Variants in AGMO observed in about 807,000 individuals in gnomAD.
AGMO encodes the protein glyceryl-ether monooxygenase.
A neutral mutation model predicts 60.2 loss-of-function variants in AGMO; 75 were observed. The observed-to-expected ratio is 1.25, with a 90% confidence interval of 1.03 to 1.51. The LOEUF (loss-of-function observed/expected upper bound fraction) is 1.51. Ranked by LOEUF, AGMO falls within the 40% of genes most tolerant of loss-of-function variation. AGMO has a pLI of 0.00. For missense variants in AGMO, 763 were observed against 525.5 expected (o/e 1.45, Z -4.42); for synonymous variants, 261 against 177.1 (o/e 1.47, Z -3.76).
chr7:15,515,022 C>T (rs560946194), intron 3 of AGMO, among the ~76,000 whole-genome samples: 1 of 152,312 alleles, frequency 6.6e-6, no homozygotes, highest in South Asian at 2.1e-4. Flanking sequence ...TCTGCATTTT[C>T]TCTACTCACC....
intron 12 of AGMO, among the ~76,000 whole-genome samples, chr7:15,265,429 AAT>A (rs1783402799): frequency 6.6e-6 from 1 of 151,960 alleles, no homozygotes; most frequent in South Asian, 2.1e-4. Flanking sequence ...TGTACCATTT[AAT>A]CTAGAATACA....
chr7:15,130,602 T>C, the AGMO span, among the ~76,000 whole-genome samples: 2 of 152,092 alleles, frequency 1.3e-5, no homozygotes, highest in Non-Finnish European at 2.9e-5. Flanking sequence ...AAAGGAACGA[T>C]TGAAAATAGG....
chr7:15,557,534 G>C (rs546979946), intron 2 of AGMO, among the ~76,000 whole-genome samples: 30 of 151,778 alleles, frequency 2.0e-4, no homozygotes, highest in African/African-American at 6.8e-4. Context: ...TTTCTGAAAG[G>C]GGATTGAGAG....
intron 3 of AGMO, among the ~76,000 whole-genome samples, chr7:15,544,516 G>A (rs1320626938): frequency 5.3e-5 from 8 of 151,972 alleles, no homozygotes; most frequent in Non-Finnish European, 8.8e-5. Flanking sequence ...CAATGCTATA[G>A]CCACCACTTT....
At chr7:15,514,516 G>C (rs1783758618) in intron 3 of AGMO, among the ~76,000 whole-genome samples, 1 of 151,952 alleles carries the variant, frequency 6.6e-6, no homozygotes, top group East Asian at 1.9e-4. Flanking sequence ...GAGAAATTAA[G>C]GAATTTGTAC....
rs1422665075 is a variant in AGMO at position 15,549,863 on chromosome 7, C to T, written c.258-4940G>A. On this transcript the variant is annotated intron_variant, in intron 2 of 12. Coordinates refer to ENST00000342526, the MANE Select transcript of AGMO (RefSeq NM_001004320.2). ...CTCCACCCCAAATCAACAGAATATA[C>T]ATTTTTTCAGCACCACACCACACCT... is the stretch of plus-strand genomic sequence containing the variant. 6.6e-5 allele frequency among the ~76,000 whole-genome samples: 10 copies of T among 151,876 alleles called. No homozygotes were observed. The East Asian group carries it at 1.2e-3, about 18-fold the overall frequency.
intron 1 of AGMO, 128 bp from the exon 2 acceptor site, chr7:15,560,399 C>G: frequency 1.1e-6 from 1 of 890,418 alleles, no homozygotes; most frequent in Non-Finnish European, 1.6e-6. Context: ...GGTAGACACT[C>G]ATTTTAGAGG....
chr7:15,226,857 G>C (rs925391396), intron 12 of AGMO, among the ~76,000 whole-genome samples: 3 of 151,916 alleles, frequency 2.0e-5, no homozygotes, highest in African/African-American at 7.3e-5. Context: ...AAATAGTCTG[G>C]CAGAAAACGT....
intron 4 of AGMO, among the ~76,000 whole-genome samples, chr7:15,427,248 C>G (rs115969841): frequency 6.6e-6 from 1 of 152,094 alleles, no homozygotes; most frequent in Non-Finnish European, 1.5e-5. Context: ...AGTATAAGCA[C>G]GTACACATGC....
chr7:15,304,642 T>C (rs1173625953), intron 12 of AGMO, among the ~76,000 whole-genome samples: 6 of 146,972 alleles, frequency 4.1e-5, no homozygotes, highest in African/African-American at 1.6e-4. Flanking sequence ...GTTTCAAAAG[T>C]CCCTGATTCG....
At chr7:15,384,691 G>GT (rs1335885438) in intron 10 of AGMO, among the ~76,000 whole-genome samples, 1 of 151,806 alleles carries the variant, frequency 6.6e-6, no homozygotes, top group African/African-American at 2.4e-5. Flanking sequence ...AAACTCACCT[G>GT]TGATTCTATT....
chr7:15,221,891 T>C (rs1450928198), intron 12 of AGMO, among the ~76,000 whole-genome samples: 3 of 152,150 alleles, frequency 2.0e-5, no homozygotes, highest in East Asian at 1.9e-4. Flanking sequence ...TTCATAACAA[T>C]TTCTGTATGT....
chr7:15,557,948 C>G (rs1002184881), intron 2 of AGMO, among the ~76,000 whole-genome samples: 2 of 151,702 alleles, frequency 1.3e-5, no homozygotes, highest in Admixed American at 6.6e-5. Flanking sequence ...GGAAAAGAAC[C>G]TCATGTTCTA....
chr7:15,341,947 G>A (rs369660479), intron 12 of AGMO, among the ~76,000 whole-genome samples: 16 of 151,732 alleles, frequency 1.1e-4, no homozygotes, highest in African/African-American at 2.7e-4. Flanking sequence ...ATCTCTCACC[G>A]AGTCCCTCCC....
intron 12 of AGMO, among the ~76,000 whole-genome samples, chr7:15,303,827 C>A (rs541457436): frequency 6.6e-6 from 1 of 152,192 alleles, no homozygotes; most frequent in South Asian, 2.1e-4. Context: ...TATGTTTACC[C>A]CCACACACAG....
intron 3 of AGMO, among the ~76,000 whole-genome samples, chr7:15,513,513 G>A (rs896056063): frequency 6.6e-6 from 1 of 152,078 alleles, no homozygotes; most frequent in African/African-American, 2.4e-5. Flanking sequence ...CCTTTGTCAA[G>A]TCCCCATCAA....
chr7:15,362,225 C>G (rs1215081843), intron 12 of AGMO, among the ~76,000 whole-genome samples: 1 of 151,950 alleles, frequency 6.6e-6, no homozygotes, highest in African/African-American at 2.4e-5. Context: ...GAAGAAAACA[C>G]AGATTTGAAA....
chr7:15,523,107 G>A (rs1334596264), intron 3 of AGMO, among the ~76,000 whole-genome samples: 2 of 152,160 alleles, frequency 1.3e-5, no homozygotes, highest in Non-Finnish European at 2.9e-5. Flanking sequence ...CATCATCACT[G>A]GTCATTAGAA....
chr7:15,293,392 G>C (rs763938763), intron 12 of AGMO, among the ~76,000 whole-genome samples: 33 of 152,026 alleles, frequency 2.2e-4, no homozygotes, highest in African/African-American at 6.3e-4. Flanking sequence ...TAACTAAACC[G>C]GGCGGGTTAG....
Sources: allele counts gnomAD v4.1 joint callset (sites outside exome capture counted in the v4.1 genomes callset), GRCh38; gene constraint gnomAD v4.1.1; transcripts MANE v1.5; gene names NCBI Gene and HGNC (gene_info 2026-07-23, HGNC 2026-07-21).